KLHL12: variants seen among roughly 807,000 people sequenced by gnomAD.
KLHL12 encodes the protein kelch like family member 12.
Under a neutral mutation model 60.8 loss-of-function variants are expected in KLHL12, and 17 were observed. The ratio of observed to expected loss-of-function variants is 0.28; its 90% CI spans 0.19 to 0.42. KLHL12 has a LOEUF of 0.42. Ranked by LOEUF, KLHL12 falls within the 10% of genes least tolerant of loss-of-function variation. The pLI is 1.00. For synonymous variants in KLHL12, 220 were observed against 250.9 expected (o/e 0.88, Z 1.16); for missense variants, 468 against 722.3 (o/e 0.65, Z 4.04).
Position 202,894,824 on chromosome 1 carries a change from C to A in KLHL12, c.1136-75G>T. 5.4e-6 allele frequency: 7 copies of A among 1,295,462 alleles called. 1 individual carries two copies. The South Asian group carries it at 8.7e-5, about 16-fold the overall frequency. 80.2% of individuals were successfully genotyped at this position (1,295,462 alleles called of 1,614,324 possible). A position where few individuals can be genotyped will look rare whatever the true frequency, so the allele number is the denominator to read the frequency against. On this transcript the variant is annotated intron_variant, in intron 8 of 11. Transcript: ENST00000367261. ...AGAACTCTTTCCTCTACAAATTTTC[C>A]AAGGGTCCTTTAAAAGTCTGAGAGC...
At chr1:202,901,526 T>G (rs1660007479) in intron 6 of KLHL12, among the ~76,000 whole-genome samples, 2 of 151,124 alleles carry the variant, frequency 1.3e-5, no homozygotes, top group South Asian at 4.2e-4. Context: ...GGTCTCTAAC[T>G]CCTGAACTCA....
chr1:202,906,881 C>T (rs1419205320), intron 6 of KLHL12, among the ~76,000 whole-genome samples: 1 of 152,050 alleles, frequency 6.6e-6, no homozygotes, highest in Admixed American at 6.5e-5. Flanking sequence ...AGGCTGGTCT[C>T]GAACTACTGA....
At chr1:202,907,884 G>A (rs1352969230) in intron 6 of KLHL12, among the ~76,000 whole-genome samples, 1 of 151,764 alleles carries the variant, frequency 6.6e-6, no homozygotes, top group East Asian at 1.9e-4. Flanking sequence ...CTCCACCCTG[G>A]GCAACATAGT....
At chr1:202,923,962 A>G (rs1045887456) in intron 2 of KLHL12, among the ~76,000 whole-genome samples, 1 of 152,214 alleles carries the variant, frequency 6.6e-6, no homozygotes, top group Non-Finnish European at 1.5e-5. Context: ...AGTGTAAATT[A>G]TATAATAAAC....
chr1:202,920,006 T>C (rs1222716827), intron 2 of KLHL12, 98 bp from the exon 3 acceptor site: 6 of 1,114,532 alleles, frequency 5.4e-6, no homozygotes, highest in Non-Finnish European at 3.9e-6. Flanking sequence ...ATAATATTAA[T>C]TGAACATTTA....
At chr1:202,896,367 T>G (rs754499732) in intron 7 of KLHL12, among the ~76,000 whole-genome samples, 14 of 152,100 alleles carry the variant, frequency 9.2e-5, no homozygotes, top group Non-Finnish European at 1.9e-4. Context: ...TTTGTTTACT[T>G]TTTTGTAGAG....
At chr1:202,897,023 A>G in intron 6 of KLHL12, 63 bp from the exon 7 acceptor site, 1 of 1,219,102 alleles carries the variant, frequency 8.2e-7, no homozygotes, top group Non-Finnish European at 1.2e-6. Flanking sequence ...AACTAGTCAC[A>G]GGGAAGTGTC....
chr1:202,927,234 T>C lies in KLHL12; in HGVS notation c.-191A>G, dbSNP rs981151960. 1.0e-6 allele frequency: 1 copy of C among 985,030 alleles called. No homozygotes were observed. The highest frequency in any genetic ancestry group is 1.8e-5 in the African/African-American group (1 of 57,136). The allele number at this position is 985,030 out of a possible 1,614,324, so 61.0% of individuals were successfully genotyped here. On this transcript the variant is annotated 5_prime_UTR_variant, in exon 1 of 12. Coordinates refer to ENST00000367261, the MANE Select transcript of KLHL12 (RefSeq NM_021633.4). ...TGGAGGCTCTGGAGCCGTCCGGGTC[T>C]GGCCCCTGCGGCCGCGCGACGTGAT...
chr1:202,903,194 A>G (rs918082938), intron 6 of KLHL12, among the ~76,000 whole-genome samples: 10 of 146,722 alleles, frequency 6.8e-5, no homozygotes, highest in Admixed American at 2.1e-4. Context: ...AATTACTTTG[A>G]GACATAAGGT....
intron 2 of KLHL12, among the ~76,000 whole-genome samples, chr1:202,922,763 G>A (rs1385674094): frequency 6.6e-6 from 1 of 152,034 alleles, no homozygotes; most frequent in African/African-American, 2.4e-5. Flanking sequence ...TGGGATTACA[G>A]GCGTGAGCCA....
chr1:202,927,202 G>A lies in KLHL12; in HGVS notation c.-159C>T, dbSNP rs1475717589. ...GGAGCCGAAGCGCCGCCCAGACCCG[G>A]AGGCTCTGGAGGCTCTGGAGCCGTC... is the stretch of plus-strand genomic sequence containing the variant. On this transcript the variant is annotated 5_prime_UTR_variant, in exon 1 of 12. Transcript: ENST00000367261. 1.0e-5 allele frequency: 10 copies of A among 985,070 alleles called. No homozygotes were observed. Among genetic ancestry groups the A allele is most frequent in the Admixed American group, 6.2e-5 (1 of 16,256 alleles). The allele number at this position is 985,070 out of a possible 1,614,324, so 61.0% of individuals were successfully genotyped here.
rs956143641 is a variant in KLHL12 at position 202,927,198 on chromosome 1, C to G, written c.-155G>C. 1.0e-6 allele frequency: 1 copy of G among 985,006 alleles called. No individual in the cohort carries two copies. The highest frequency in any genetic ancestry group is 1.7e-5 in the African/African-American group (1 of 57,154). The allele number at this position is 985,006 out of a possible 1,614,324, so 61.0% of individuals were successfully genotyped here. ...GGGAGGAGCCGAAGCGCCGCCCAGA[C>G]CCGGAGGCTCTGGAGGCTCTGGAGC... is the stretch of plus-strand genomic sequence containing the variant. On this transcript the variant is annotated 5_prime_UTR_variant, in exon 1 of 12. Coordinates refer to ENST00000367261, the MANE Select transcript of KLHL12 (RefSeq NM_021633.4).
At position 202,911,184 on chromosome 1, in the gene KLHL12, A is replaced by C; in HGVS notation, c.587T>G (p.Val196Gly). Residue 196 changes from valine to glycine, a missense_variant, in exon 5 of 12, where the codon GTC (valine) becomes GGC (glycine). Physicochemically the swap from Val to Gly is moderately radical, Grantham distance 109. This residue lies in a region of KLHL12 where 339 missense variants were observed against 525.0 expected (regional missense o/e 0.65). Transcript: ENST00000367261. ...DEIQVDSEEP[V>G]FEAVINWVKH... is the part of the protein sequence containing the mutation. The stretch of plus-strand genomic sequence containing the variant: ...CACCCAGTTGATGACAGCCTCAAAG[A>C]CTGGCTCTTCAGAATCCACCTGTAA... 1.2e-6 allele frequency: 2 copies of C among 1,614,024 alleles called. No homozygotes were observed. The highest frequency in any genetic ancestry group is 1.7e-6 in the Non-Finnish European group (2 of 1,180,000).
chr1:202,928,439 G>C (rs144875412), upstream of KLHL12: 858 of 1,198,066 alleles, frequency 7.2e-4, 9 homozygotes, highest in African/African-American at 0.01. Context: ...GAATTCCAAC[G>C]CTTAATATGC....
intron 6 of KLHL12, among the ~76,000 whole-genome samples, chr1:202,903,992 G>GTATCTATCTATGTATC (rs1660104768): frequency 2.1e-5 from 3 of 141,502 alleles, no homozygotes; most frequent in African/African-American, 7.9e-5. Flanking sequence ...ATCTATCTAT[G>GTATCTATCTATGTATC]TATCTATCTA....
In KLHL12 at chr1:202,919,814, T is replaced by C. The variant is rs763797716; in HGVS notation, c.290A>G (p.His97Arg). 2 of 1,613,882 alleles carry C rather than the reference T, an allele frequency of 1.2e-6. No homozygotes were observed. Among genetic ancestry groups the C allele is most frequent in the African/African-American group, 2.7e-5 (2 of 74,936 alleles). Residue 97 changes from histidine to arginine, a missense_variant, in exon 3 of 12, where the codon CAT becomes CGT. This residue lies in a region of KLHL12 where 339 missense variants were observed against 525.0 expected (regional missense o/e 0.65). Coordinates refer to ENST00000367261, the MANE Select transcript of KLHL12 (RefSeq NM_021633.4). ...LLDFVYTETV[H>R]VTVENVQELL... is the part of the protein sequence containing the mutation. ...TTCTTGTACATTCTCCACTGTCACATGTACTGTTTCTGTGTACACAAAGTC... is the reference window on the plus strand; with the variant it reads ...TTCTTGTACATTCTCCACTGTCACACGTACTGTTTCTGTGTACACAAAGTC...
intron 6 of KLHL12, among the ~76,000 whole-genome samples, chr1:202,902,753 G>C (rs927021963): frequency 8.5e-5 from 13 of 152,092 alleles, no homozygotes; most frequent in African/African-American, 2.9e-4. Flanking sequence ...ACTTTGGGAG[G>C]CCAAAGCAGG....
At position 202,892,399 on chromosome 1, in the gene KLHL12, A is replaced by G; in HGVS notation, c.*134T>C. On this transcript the variant is annotated 3_prime_UTR_variant, in exon 12 of 12. Coordinates refer to ENST00000367261, the MANE Select transcript of KLHL12 (RefSeq NM_021633.4). ...CGGGGAGTATGTGTCAAATAAGTAC[A>G]ATCATCACTGCACTGGTGCCTGTAA... 3.2e-6 allele frequency: 3 copies of G among 936,722 alleles called. No individual in the cohort carries two copies. In the South Asian group the frequency reaches 5.5e-5, roughly 17 times the overall value. The allele number at this position is 936,722 out of a possible 1,614,324, so 58.0% of individuals were successfully genotyped here. A position where few individuals can be genotyped will look rare whatever the true frequency, so the allele number is the denominator to read the frequency against.
chr1:202,907,300 T>C, intron 6 of KLHL12, among the ~76,000 whole-genome samples: 1 of 152,160 alleles, frequency 6.6e-6, no homozygotes, highest in East Asian at 1.9e-4. Flanking sequence ...ACTTATGCCA[T>C]TAAAAAATAT....
Sources: gnomAD v4.1 joint callset for allele counts (sites outside exome capture counted in the v4.1 genomes callset) on GRCh38, gnomAD v4.1.1 for gene constraint, gnomAD v4.1.1 regional missense constraint, MANE v1.5 for transcripts, NCBI Gene and HGNC (gene_info 2026-07-23, HGNC 2026-07-21) for gene names.